The following FGFR2 variants were observed in gnomAD, a reference collection of about 807,000 sequenced individuals.
FGFR2 encodes the protein BEK fibroblast growth factor receptor.
In FGFR2, 19 loss-of-function variants were observed where a neutral mutation model predicts 95.9. The observed-to-expected ratio is 0.20, with a 90% CI of 0.14 to 0.29. FGFR2 has a LOEUF of 0.29. Ranked by LOEUF, FGFR2 falls within the 10% of genes least tolerant of loss-of-function variation. FGFR2 has a pLI of 1.00. For missense variants in FGFR2, 707 were observed against 1,056.9 expected (o/e 0.67, Z 4.59); for synonymous variants, 392 against 393.3 (o/e 1.00, Z 0.04).
chr10:121,485,684 T>G lies in FGFR2; in HGVS notation c.2058-152A>C, dbSNP rs1845318499. 3.1e-6 allele frequency: 3 copies of G among 973,516 alleles called. No homozygotes were observed. Among genetic ancestry groups the G allele is most frequent in the East Asian group, 2.6e-5 (1 of 38,698 alleles). The allele number at this position is 973,516 out of a possible 1,614,324, so 60.3% of individuals were successfully genotyped here. ...TCCTCCTATGTGCTCTTTCCTGCCC[T>G]GCAAGAGCATCCCCGAATGATGATG... On this transcript the variant is annotated intron_variant, in intron 15 of 17. Transcript: ENST00000358487. This position sits in a 1 kb window ranked among gnomAD's most constrained non-coding sequence, Gnocchi z 4.2.
intron 9 of FGFR2, among the ~76,000 whole-genome samples, chr10:121,506,084 G>A (rs1263539918): frequency 2.0e-5 from 3 of 152,084 alleles, no homozygotes; most frequent in South Asian, 4.1e-4. Context: ...CCGGCCAGGC[G>A]CGGTGGCTCA....
intron 5 of FGFR2, among the ~76,000 whole-genome samples, chr10:121,539,489 C>G (rs1195458958): frequency 6.6e-6 from 1 of 152,194 alleles, no homozygotes; most frequent in Non-Finnish European, 1.5e-5. Context: ...CAAAGAGACG[C>G]CATTCTTATG....
At chr10:121,580,335 C>T (rs968160167) in intron 2 of FGFR2, among the ~76,000 whole-genome samples, 3 of 152,194 alleles carry the variant, frequency 2.0e-5, no homozygotes, top group African/African-American at 7.2e-5. Flanking sequence ...TGTGTCCCCG[C>T]CTGATCCCCT....
Position 121,500,895 on chromosome 10 carries a change from C to T in FGFR2, c.1492G>A (p.Ala498Thr), listed in dbSNP as rs2134009289. 6.2e-7 allele frequency: 1 copy of T among 1,614,238 alleles called. No homozygotes were observed. Among genetic ancestry groups the T allele is most frequent in the Admixed American group, 1.7e-5 (1 of 60,028 alleles). The change falls in exon 11 of 18, where the codon GCG becomes ACG. Residue 498 changes from alanine to threonine, a missense_variant. Physicochemically the swap from Ala to Thr is moderately conservative, Grantham distance 58. Coordinates refer to ENST00000358487, the MANE Select transcript of FGFR2 (RefSeq NM_000141.5). ...GEGCFGQVVM[A>T]EAVGIDKDKP... Reference sequence around the variant, plus strand: ...TCTTTGTCAATTCCCACTGCTTCCGCCATGACCACTTGCCCAAAGCAACCT... The same window carrying T: ...TCTTTGTCAATTCCCACTGCTTCCGTCATGACCACTTGCCCAAAGCAACCT...
chr10:121,540,280 G>C (rs1393304396), intron 5 of FGFR2, among the ~76,000 whole-genome samples: 14 of 152,196 alleles, frequency 9.2e-5, no homozygotes, highest in Non-Finnish European at 1.8e-4. Flanking sequence ...GCAGAAAAAT[G>C]AATCTACGGG....
At position 121,498,605 on chromosome 10, in the gene FGFR2, T is replaced by C. The variant is rs55689343; in HGVS notation, c.1562A>G (p.Asp521Gly). The part of the protein sequence containing the change: ...AVTVAVKMLK[D>G]DATEKDLSDL... Reference sequence around the variant, plus strand: ...AGAAAGGTCTTTCTCTGTGGCATCATCTATGAACAGTAGGCATATTCACAA... The same window carrying C: ...AGAAAGGTCTTTCTCTGTGGCATCACCTATGAACAGTAGGCATATTCACAA... Residue 521 changes from aspartate to glycine, a missense_variant and splice_region_variant, in exon 12 of 18, where the codon GAT becomes GGT. Physicochemically the swap from Asp to Gly is moderately conservative, Grantham distance 94. Around this residue, in one of 7 missense-constraint regions of FGFR2, gnomAD observed 194 missense variants for 267.3 expected, o/e 0.73. Transcript: ENST00000358487. The C allele has an allele frequency of 6.9e-5, 111 of 1,613,548 alleles. No homozygotes were observed. Among genetic ancestry groups the C allele is most frequent in the Non-Finnish European group, 9.2e-5 (109 of 1,179,532 alleles).
At chr10:121,520,577 A>G (rs1850395338) in intron 6 of FGFR2, among the ~76,000 whole-genome samples, 1 of 152,204 alleles carries the variant, frequency 6.6e-6, no homozygotes, top group Non-Finnish European at 1.5e-5. Context: ...CAGGCAAATG[A>G]CAAGACTAAC....
rs1849951927 is a variant in FGFR2, at chr10:121,518,171, G to A, written c.940-708C>T. 3.3e-6 allele frequency: 1 copy of A among 303,784 alleles called. No individual in the cohort carries two copies. The highest frequency in any genetic ancestry group is 4.9e-5 in the Admixed American group (1 of 20,294). The allele number at this position is 303,784 out of a possible 1,614,324, so 18.8% of individuals were successfully genotyped here. A position where few individuals can be genotyped will look rare whatever the true frequency, so the allele number is the denominator to read the frequency against. On this transcript the variant is annotated intron_variant, in intron 7 of 17. Transcript: ENST00000358487. This position sits in a 1 kb window ranked among gnomAD's most constrained non-coding sequence, Gnocchi z 4.0. ...CGTCCAGTAGTACATTCATTAAGATGAGCTCCCCTCAAATTTGGTGCAACA... is the reference window on the plus strand; with the variant it reads ...CGTCCAGTAGTACATTCATTAAGATAAGCTCCCCTCAAATTTGGTGCAACA...
chr10:121,512,641 C>T (rs1357850544), intron 9 of FGFR2, among the ~76,000 whole-genome samples: 1 of 152,082 alleles, frequency 6.6e-6, no homozygotes, highest in Non-Finnish European at 1.5e-5. Flanking sequence ...AGGATCCTCC[C>T]GCTTCAGCCT....
chr10:121,598,218 A>C lies in FGFR2; in HGVS notation c.-407T>G. ...AGGACTCAGGCTTGGCGTTGCCTCC[A>C]CCAAACTTTGCTCGCGAGTTGCGAA... On this transcript the variant is annotated 5_prime_UTR_variant, in exon 1 of 18. Transcript: ENST00000358487. 2.5e-6 allele frequency: 1 copy of C among 397,236 alleles called. No homozygotes were observed. Among genetic ancestry groups the C allele is most frequent in the Non-Finnish European group, 4.4e-6 (1 of 225,282 alleles). The allele number at this position is 397,236 out of a possible 1,614,324, so 24.6% of individuals were successfully genotyped here.
intron 5 of FGFR2, among the ~76,000 whole-genome samples, chr10:121,550,604 C>G (rs1179933704): frequency 6.6e-6 from 1 of 152,184 alleles, no homozygotes; most frequent in Non-Finnish European, 1.5e-5. Context: ...ACTCCAGTCT[C>G]TAATCCAAGT....
At chr10:121,548,253 T>C (rs1309031809) in intron 5 of FGFR2, among the ~76,000 whole-genome samples, 5 of 105,498 alleles carry the variant, frequency 4.7e-5, no homozygotes, top group Admixed American at 8.9e-5. Context: ...GCCTTTTTTT[T>C]TTTTTTTTTT....
In FGFR2 at chr10:121,479,741, C is replaced by T; in HGVS notation, c.*116G>A. On this transcript the variant is annotated 3_prime_UTR_variant, in exon 18 of 18. Transcript: ENST00000358487. ...TGCTGATTACTTTTCCAATTATTTA[C>T]TCCTCTGATCCATATATACAAGTGG... 1 of 1,611,602 alleles carries T rather than the reference C, an allele frequency of 6.2e-7. No individual in the cohort carries two copies. Among genetic ancestry groups the T allele is most frequent in the Middle Eastern group, 1.7e-4 (1 of 6,032 alleles).
At chr10:121,536,620 G>C (rs1327885751) in intron 6 of FGFR2, among the ~76,000 whole-genome samples, 3 of 152,182 alleles carry the variant, frequency 2.0e-5, no homozygotes, top group Non-Finnish European at 4.4e-5. Flanking sequence ...AACTCTAAGA[G>C]AGATTTCAGG....
chr10:121,533,379 G>A (rs1388116299), intron 6 of FGFR2, among the ~76,000 whole-genome samples: 1 of 152,150 alleles, frequency 6.6e-6, no homozygotes, highest in African/African-American at 2.4e-5. Flanking sequence ...AACAAAGCAA[G>A]ACTCTGTCTC....
chr10:121,583,725 T>C (rs1332891837), intron 2 of FGFR2, among the ~76,000 whole-genome samples: 3 of 151,604 alleles, frequency 2.0e-5, no homozygotes, highest in African/African-American at 7.3e-5. Flanking sequence ...AACGACAGAT[T>C]TAGGAAAGAA....
chr10:121,517,245 C>T lies in FGFR2; in HGVS notation c.1084+74G>A. Reference sequence around the variant, plus strand: ...GGATAAAAGGGGCCATTTCTGATAACAGAAGCTGTGTTAATTTTATAGCAG... The same window carrying T: ...GGATAAAAGGGGCCATTTCTGATAATAGAAGCTGTGTTAATTTTATAGCAG... On this transcript the variant is annotated intron_variant, in intron 8 of 17. Transcript: ENST00000358487. This position sits in a 1 kb window ranked among gnomAD's most constrained non-coding sequence, Gnocchi z 4.7. 3.3e-6 allele frequency: 5 copies of T among 1,497,124 alleles called. No individual in the cohort carries two copies. Among genetic ancestry groups the T allele is most frequent in the African/African-American group, 1.4e-5 (1 of 72,568 alleles). 92.7% of individuals were successfully genotyped at this position (1,497,124 alleles called of 1,614,324 possible).
At chr10:121,508,178 C>G (rs1268274520) in intron 9 of FGFR2, among the ~76,000 whole-genome samples, 1 of 152,180 alleles carries the variant, frequency 6.6e-6, no homozygotes, top group Non-Finnish European at 1.5e-5. Context: ...GACGATTGTA[C>G]TGTCAAACTG....
At position 121,518,884 on chromosome 10, in the gene FGFR2, G is replaced by T. The variant is rs903411832; in HGVS notation, c.939+1095C>A. 1.9e-6 allele frequency: 3 copies of T among 1,607,480 alleles called. No homozygotes were observed. The South Asian group carries it at 3.3e-5, about 18-fold the overall frequency. On this transcript the variant is annotated intron_variant, in intron 7 of 17. Coordinates refer to ENST00000358487, the MANE Select transcript of FGFR2 (RefSeq NM_000141.5). This position sits in a 1 kb window ranked among gnomAD's most constrained non-coding sequence, Gnocchi z 4.0. ...GGCCAACCAGGAAGGTCTTAGCATT[G>T]TCTATGGTCCCACCACCAACACACC...
Sources: allele counts gnomAD v4.1 joint callset (sites outside exome capture counted in the v4.1 genomes callset), GRCh38; gene constraint gnomAD v4.1.1; regional missense constraint gnomAD v4.1.1; non-coding constraint Gnocchi (gnomAD v3.1); transcripts MANE v1.5; gene names NCBI Gene and HGNC (gene_info 2026-07-23, HGNC 2026-07-21).